The following LSG1 variants were observed in gnomAD, a reference collection of about 807,000 sequenced individuals.
The protein encoded by LSG1 is large 60S subunit nuclear export GTPase 1.
A neutral mutation model predicts 82.6 loss-of-function variants in LSG1; 55 were observed. The ratio of observed to expected loss-of-function variants is 0.67; its 90% CI spans 0.54 to 0.83. The LOEUF (loss-of-function observed/expected upper bound fraction) is 0.83. Ranked by LOEUF, LSG1 falls within the 40% of genes least tolerant of loss-of-function variation. The pLI is 0.00. For synonymous variants in LSG1, 272 were observed against 282.5 expected (o/e 0.96, Z 0.37); for missense variants, 809 against 807.9 (o/e 1.00, Z -0.02).
chr3:194,654,103 A>AC lies in LSG1; in HGVS notation c.760-962dup, dbSNP rs564914490. Among the ~76,000 whole-genome samples the AC allele has an allele frequency of 5.0e-4, 76 of 151,758 alleles. 1 individual carries two copies. Among genetic ancestry groups the AC allele is most frequent in the African/African-American group, 1.7e-3 (71 of 41,536 alleles). On this transcript the variant is annotated intron_variant, in intron 7 of 13. Coordinates refer to ENST00000265245, the MANE Select transcript of LSG1 (RefSeq NM_018385.3). ...TCATTTTACATTTGTATTTTTAAAGACGGTGGTTGGCATGTTTAAAGAAAT... is the reference window on the plus strand; with the variant it reads ...TCATTTTACATTTGTATTTTTAAAGACCGGTGGTTGGCATGTTTAAAGAAAT...
chr3:194,659,080 G>A lies in LSG1; in HGVS notation c.636C>T (p.Asn212=), dbSNP rs1181261757. ...GCTCAGCAGTCAGCAAGTCTGCCTT[G>A]TTGATCAGAATGACGTTCTCCTTAT... is the stretch of plus-strand genomic sequence containing the variant. ...DANKENVILI[N]KADLLTAEQR... Residue 212 remains asparagine, a synonymous_variant, in exon 7 of 14, where the codon AAC becomes AAT. Transcript: ENST00000265245. 6 of 1,614,184 alleles carry A rather than the reference G, an allele frequency of 3.7e-6. No individual in the cohort carries two copies. Among genetic ancestry groups the A allele is most frequent in the Non-Finnish European group, 4.2e-6 (5 of 1,180,018 alleles).
chr3:194,641,817 T>C lies in LSG1; in HGVS notation c.*251A>G. ...TTTTAGTAGAGACGGGGTTTCTCCA[T>C]GTTGGTGCGTGAGCCACTGTGCCCG... On this transcript the variant is annotated 3_prime_UTR_variant, in exon 14 of 14. Coordinates refer to ENST00000265245, the MANE Select transcript of LSG1 (RefSeq NM_018385.3). 2 of 353,096 alleles carry C rather than the reference T, an allele frequency of 5.7e-6. No homozygotes were observed. Among genetic ancestry groups the C allele is most frequent in the Non-Finnish European group, 1.0e-5 (2 of 197,020 alleles). The allele number at this position is 353,096 out of a possible 1,614,324, so 21.9% of individuals were successfully genotyped here.
intron 2 of LSG1, among the ~76,000 whole-genome samples, chr3:194,669,089 A>G (rs1247800898): frequency 6.6e-6 from 1 of 152,234 alleles, no homozygotes; most frequent in Non-Finnish European, 1.5e-5. Flanking sequence ...TTACTGAGGC[A>G]GGATGAATAA....
At chr3:194,642,758 T>A (rs533416975) in intron 13 of LSG1, among the ~76,000 whole-genome samples, 2 of 152,342 alleles carry the variant, frequency 1.3e-5, no homozygotes, top group South Asian at 4.1e-4. Flanking sequence ...AAATTTCACA[T>A]GAAATGTTCT....
intron 13 of LSG1, among the ~76,000 whole-genome samples, chr3:194,644,240 T>C (rs1044201748): frequency 6.6e-6 from 1 of 151,632 alleles, no homozygotes; most frequent in East Asian, 1.9e-4. Context: ...CGGGCGCCTG[T>C]AGTCCCAGCT....
intron 12 of LSG1, among the ~76,000 whole-genome samples, chr3:194,645,581 C>CACAG (rs1718528243): frequency 1.5e-5 from 1 of 65,518 alleles, no homozygotes; most frequent in African/African-American, 5.3e-5. Context: ...GACAGACACA[C>CACAG]ACACACACAC....
rs1050416899 is a variant in LSG1, at chr3:194,642,110, T to C, written c.1935A>G (p.Lys645=). The C allele has an allele frequency of 6.2e-7, 1 of 1,613,508 alleles. No homozygotes were observed. The highest frequency in any genetic ancestry group is 1.7e-5 in the Admixed American group (1 of 60,024). ...TGTAGAGTCTACGACTTTTTTCTTT[T>C]TTATTTCTGTTGCCATGTTTTTTCC... The part of the protein sequence containing the change: ...KPWKKHGNRN[K]KEKSRRLYKH... Residue 645 remains lysine, a synonymous_variant, in exon 14 of 14, where the codon AAA becomes AAG. Transcript: ENST00000265245.
chr3:194,655,681 C>T (rs996011305), intron 7 of LSG1, among the ~76,000 whole-genome samples: 5 of 151,980 alleles, frequency 3.3e-5, no homozygotes, highest in African/African-American at 7.3e-5. Context: ...CACATAAAAA[C>T]GCTTGGCATA....
rs1284646894 is a variant in LSG1 at position 194,646,509 on chromosome 3, CTTTATTTTATT to C, written c.1544-277_1544-267del. The stretch of plus-strand genomic sequence containing the variant: ...TCTCTCTACTCCAGTTATTTCTTCT[CTTTATTTTATT>C]TTTATTTTATTTTTTGTTGAGATGG... On this transcript the variant is annotated intron_variant, in intron 11 of 13. Transcript: ENST00000265245. The C allele has an allele frequency of 5.8e-5, 17 of 291,784 alleles. 1 individual carries two copies. Among genetic ancestry groups the C allele is most frequent in the South Asian group, 1.5e-4 (2 of 13,600 alleles). 18.1% of individuals were successfully genotyped at this position (291,784 alleles called of 1,614,324 possible). A position where few individuals can be genotyped will look rare whatever the true frequency, so the allele number is the denominator to read the frequency against.
chr3:194,655,454 T>A (rs1016223568), intron 7 of LSG1, among the ~76,000 whole-genome samples: 2 of 152,106 alleles, frequency 1.3e-5, no homozygotes, highest in African/African-American at 4.8e-5. Flanking sequence ...CTGGAAACAA[T>A]AGAAATAATG....
At chr3:194,667,712 A>C (rs1297616058) in intron 2 of LSG1, among the ~76,000 whole-genome samples, 2 of 151,412 alleles carry the variant, frequency 1.3e-5, no homozygotes, top group Non-Finnish European at 2.9e-5. Flanking sequence ...TCACAAGGTC[A>C]CGAGTTCGAG....
At chr3:194,665,033 A>G (rs1333018700) in intron 5 of LSG1, among the ~76,000 whole-genome samples, 1 of 152,206 alleles carries the variant, frequency 6.6e-6, no homozygotes, top group African/African-American at 2.4e-5. Context: ...CTGCCTTTCT[A>G]TCTGCAGCAA....
chr3:194,669,610 T>G (rs1270429220), intron 2 of LSG1, among the ~76,000 whole-genome samples: 1 of 152,148 alleles, frequency 6.6e-6, no homozygotes, highest in Non-Finnish European at 1.5e-5. Context: ...AAAGGTCTTA[T>G]CTCATCTGTC....
At chr3:194,667,697 G>A (rs1719056954) in intron 2 of LSG1, among the ~76,000 whole-genome samples, 1 of 151,536 alleles carries the variant, frequency 6.6e-6, no homozygotes, top group African/African-American at 2.4e-5. Flanking sequence ...GGCAAGGTGG[G>A]CGGATCACAA....
In LSG1 at chr3:194,666,308, G is replaced by A. The variant is rs1199081779; in HGVS notation, c.348-19C>T. 1.2e-6 allele frequency: 2 copies of A among 1,609,310 alleles called. No individual in the cohort carries two copies. Among genetic ancestry groups the A allele is most frequent in the East Asian group, 2.2e-5 (1 of 44,852 alleles). On this transcript the variant is annotated intron_variant, in intron 3 of 13. Coordinates refer to ENST00000265245, the MANE Select transcript of LSG1 (RefSeq NM_018385.3). ...GTTTGGTCTGAAACAATCATAGAAG[G>A]AAAAAAATTCCTCATATAAGTAACC...
At chr3:194,667,942 A>AAAAAAAAAAAAATATATAT (rs1416407494) in intron 2 of LSG1, among the ~76,000 whole-genome samples, 5 of 86,966 alleles carry the variant, frequency 5.7e-5, no homozygotes, top group African/African-American at 2.4e-4. Context: ...AAAAAAAAAA[A>AAAAAAAAAAAAATATATAT]ATATATATAT....
At chr3:194,660,404 A>G (rs1320622) in intron 5 of LSG1, among the ~76,000 whole-genome samples, 93,495 of 152,002 alleles carry the variant, frequency 0.62, 30,316 homozygotes, top group East Asian at 0.87. Flanking sequence ...TAATCATAAC[A>G]TGCTATTGCT....
At chr3:194,663,931 C>T (rs1718981805) in intron 5 of LSG1, among the ~76,000 whole-genome samples, 1 of 152,168 alleles carries the variant, frequency 6.6e-6, no homozygotes, top group Non-Finnish European at 1.5e-5. Flanking sequence ...TGTCATCACC[C>T]TAATAGGAAA....
chr3:194,662,983 C>G (rs77288599), intron 5 of LSG1, among the ~76,000 whole-genome samples: 2,565 of 152,236 alleles, frequency 0.017, 30 homozygotes, highest in African/African-American at 0.028. Context: ...CACTAGACAC[C>G]TGAGGAAGGC....
Sources: allele counts gnomAD v4.1 joint callset (sites outside exome capture counted in the v4.1 genomes callset), GRCh38; gene constraint gnomAD v4.1.1; transcripts MANE v1.5; gene names NCBI Gene and HGNC (gene_info 2026-07-23, HGNC 2026-07-21).